The following TRANK1 variants were observed in gnomAD, a reference collection of about 807,000 sequenced individuals.
The protein encoded by TRANK1 is tetratricopeptide repeat and ankyrin repeat containing 1, also known as TPR and ankyrin repeat-containing protein 1.
TRANK1 carries 198 observed loss-of-function variants against 266.0 expected under a neutral mutation model. That is an observed-to-expected ratio of 0.74 (90% CI 0.66 to 0.84). The LOEUF is 0.84. Ranked by LOEUF, TRANK1 falls within the 40% of genes least tolerant of loss-of-function variation. The probability of loss-of-function intolerance (pLI) is 0.00; values close to 1 mark genes in which losing one functional copy is unlikely to be tolerated. For synonymous variants in TRANK1, 1,396 were observed against 1,384.1 expected, an observed-to-expected ratio of 1.01 and a Z score of -0.19; for missense variants, 3,326 against 3,634.6, an observed-to-expected ratio of 0.92 and a Z score of 2.18.
chr3:36,913,392 TG>T lies in TRANK1; in HGVS notation c.24-4939del, dbSNP rs559519543. On this transcript the variant is annotated intron_variant, in intron 1 of 23. Coordinates refer to ENST00000645898, the MANE Select transcript of TRANK1 (RefSeq NM_001329998.2). The stretch of plus-strand genomic sequence containing the variant: ...TATCTATCTTTCTTTCTTGCCTGTT[TG>T]CTTGCTTGCTTGCTTGCTTGCTCAC... Among the ~76,000 whole-genome samples, 35 of 138,858 alleles carry T rather than the reference TG, an allele frequency of 2.5e-4. No homozygotes were observed. In the East Asian group the frequency reaches 6.6e-3, roughly 26 times the overall value. 91.1% of individuals were successfully genotyped at this position (138,858 alleles called of 152,430 possible). A position where few individuals can be genotyped will look rare whatever the true frequency, so the allele number is the denominator to read the frequency against.
In TRANK1 at chr3:36,832,098, C is replaced by G. The variant is rs767977020; in HGVS notation, c.7485G>C (p.Lys2495Asn). ...LLHYWEFLFS[K>N]KDKELGDVFS... Reference sequence around the variant, plus strand: ...ACACATCCCCAAGCTCCTTGTCCTTCTTGCTAAACAGGAACTCCCAGTAGT... The same window carrying G: ...ACACATCCCCAAGCTCCTTGTCCTTGTTGCTAAACAGGAACTCCCAGTAGT... Residue 2495 changes from lysine (K) to asparagine (N), a missense_variant, in exon 22 of 24, where the codon AAG becomes AAC. Coordinates refer to ENST00000645898, the MANE Select transcript of TRANK1 (RefSeq NM_001329998.2). 4 of 1,613,904 alleles carry G rather than the reference C, an allele frequency of 2.5e-6. No homozygotes were observed. Among genetic ancestry groups the G allele is most frequent in the Non-Finnish European group, 3.4e-6 (4 of 1,179,900 alleles).
At chr3:36,879,673 A>AATATAAAT (rs2079454315) in intron 8 of TRANK1, among the ~76,000 whole-genome samples, 2 of 83,590 alleles carry the variant, frequency 2.4e-5, no homozygotes, top group Admixed American at 3.1e-4. Flanking sequence ...AATATATATA[A>AATATAAAT]ATATATAAAT....
Position 36,828,266 on chromosome 3 carries a change from G to C in TRANK1, c.*9C>G. The C allele has an allele frequency of 6.3e-7, 1 of 1,599,890 alleles. No individual in the cohort carries two copies. The highest frequency in any genetic ancestry group is 8.5e-7 in the Non-Finnish European group (1 of 1,169,652). On this transcript the variant is annotated 3_prime_UTR_variant, in exon 24 of 24. Transcript: ENST00000645898. Reference sequence around the variant, plus strand: ...TCCGAAGGATGAGGAGGCTGCAGCTGTGTGGACATTAGTATTTTCTCTGCT... The same window carrying C: ...TCCGAAGGATGAGGAGGCTGCAGCTCTGTGGACATTAGTATTTTCTCTGCT...
intron 1 of TRANK1, among the ~76,000 whole-genome samples, chr3:36,920,909 A>G (rs537047537): frequency 6.6e-6 from 1 of 152,278 alleles, no homozygotes; most frequent in African/African-American, 2.4e-5. Flanking sequence ...TGAGTTCTAA[A>G]TTTCTCTTCA....
At chr3:36,917,335 AT>A (rs1172315401) in intron 1 of TRANK1, among the ~76,000 whole-genome samples, 2 of 152,192 alleles carry the variant, frequency 1.3e-5, no homozygotes, top group Admixed American at 6.6e-5. Context: ...TATATTCTAT[AT>A]TTTTTTCATG....
chr3:36,906,884 G>T (rs2079976649), intron 2 of TRANK1, among the ~76,000 whole-genome samples: 1 of 152,198 alleles, frequency 6.6e-6, no homozygotes, highest in African/African-American at 2.4e-5. Context: ...CCCTAAATTG[G>T]TGGTAACTTG....
At position 36,856,466 on chromosome 3, in the gene TRANK1, A is replaced by G; in HGVS notation, c.3256T>C (p.Cys1086Arg). The part of the protein sequence containing the change: ...GRSGTGKTTC[C>R]LYRLWKKFHV... The stretch of plus-strand genomic sequence containing the variant: ...AATTTCTTCCACAATCTGTACAAGC[A>G]GCAGGTTGTCTTCCCAGTGCCACTT... The change falls in exon 13 of 24, where the codon TGC (cysteine) becomes CGC (arginine). Residue 1086 changes from cysteine (C) to arginine (R), a missense_variant. Transcript: ENST00000645898. 6.2e-7 allele frequency: 1 copy of G among 1,614,018 alleles called. No homozygotes were observed. The highest frequency in any genetic ancestry group is 8.5e-7 in the Non-Finnish European group (1 of 1,179,892).
Position 36,851,711 on chromosome 3 carries a change from T to G in TRANK1, c.4887+8A>C, listed in dbSNP as rs2078986237. On this transcript the variant is annotated splice_region_variant and intron_variant, in intron 15 of 23. Transcript: ENST00000645898. ...TTCATTGTGTGAAAAGAATTAGGTG[T>G]GACATACCTCAGAATCAGTAAAAAA... 2 of 1,605,300 alleles carry G rather than the reference T, an allele frequency of 1.2e-6. No homozygotes were observed. The highest frequency in any genetic ancestry group is 4.5e-5 in the East Asian group (2 of 44,834).
chr3:36,939,260 TACACACACACACACAC>T (rs10623771), intron 1 of TRANK1, among the ~76,000 whole-genome samples: 1 of 139,830 alleles, frequency 7.2e-6, no homozygotes, highest in African/African-American at 2.7e-5. Context: ...CATTCTAACA[TACACACACACACACAC>T]ACACACACAC....
intron 1 of TRANK1, among the ~76,000 whole-genome samples, chr3:36,926,000 G>A (rs1157353540): frequency 6.6e-6 from 1 of 152,018 alleles, no homozygotes; most frequent in Non-Finnish European, 1.5e-5. Flanking sequence ...GCTTTTATAA[G>A]GGAAGTAGTA....
At chr3:36,830,021 TTGA>T (rs1309209267) in intron 22 of TRANK1, among the ~76,000 whole-genome samples, 1 of 152,138 alleles carries the variant, frequency 6.6e-6, no homozygotes, top group African/African-American at 2.4e-5. Context: ...CTACATAGTG[TTGA>T]TAAGAAGTAG....
chr3:36,927,954 C>T (rs929408787), intron 1 of TRANK1, among the ~76,000 whole-genome samples: 1 of 152,170 alleles, frequency 6.6e-6, no homozygotes, highest in African/African-American at 2.4e-5. Context: ...TGAATATCTG[C>T]AGTCAGGAAC....
At chr3:36,913,190 C>T (rs745367104) in intron 1 of TRANK1, among the ~76,000 whole-genome samples, 13 of 151,930 alleles carry the variant, frequency 8.6e-5, no homozygotes, top group South Asian at 2.1e-4. Context: ...TACAGGCGTG[C>T]GCCCTGTAAT....
intron 10 of TRANK1, among the ~76,000 whole-genome samples, chr3:36,863,724 C>T (rs2079175049): frequency 6.6e-6 from 1 of 152,154 alleles, no homozygotes; most frequent in Non-Finnish European, 1.5e-5. Flanking sequence ...ATGTTGGAAA[C>T]AAGACTTGAA....
At chr3:36,852,401 G>T in intron 13 of TRANK1, 56 bp from the exon 14 acceptor site, 1 of 1,447,060 alleles carries the variant, frequency 6.9e-7, no homozygotes, top group South Asian at 1.4e-5. Context: ...TGAGTTTTTT[G>T]GTTATTTGGG....
At chr3:36,899,586 G>C (rs1038822934) in intron 3 of TRANK1, among the ~76,000 whole-genome samples, 6 of 152,210 alleles carry the variant, frequency 3.9e-5, no homozygotes, top group Non-Finnish European at 7.3e-5. Context: ...CTGAGCCCAG[G>C]AGATAGAGGC....
intron 17 of TRANK1, among the ~76,000 whole-genome samples, 177 bp from the exon 18 acceptor site, chr3:36,842,887 A>G (rs1343968283): frequency 1.3e-5 from 2 of 152,140 alleles, no homozygotes; most frequent in African/African-American, 4.8e-5. Context: ...TACAGAGGTG[A>G]CTAGGTTAAA....
In TRANK1 at chr3:36,895,635, C is replaced by T. The variant is rs766157744; in HGVS notation, c.552+5G>A. ...TCCCCGTGAGAGCCATCTCCTTTTA[C>T]TTACATGCCATAATCCTTTCTTTGC... On this transcript the variant is annotated splice_donor_5th_base_variant and intron_variant, in intron 5 of 23. Coordinates refer to ENST00000645898, the MANE Select transcript of TRANK1 (RefSeq NM_001329998.2). 8.6e-6 allele frequency: 13 copies of T among 1,514,608 alleles called. No homozygotes were observed. Among genetic ancestry groups the T allele is most frequent in the African/African-American group, 1.4e-5 (1 of 72,498 alleles). 93.8% of individuals were successfully genotyped at this position (1,514,608 alleles called of 1,614,324 possible). A position where few individuals can be genotyped will look rare whatever the true frequency, so the allele number is the denominator to read the frequency against.
At chr3:36,913,909 C>T (rs1202713951) in intron 1 of TRANK1, among the ~76,000 whole-genome samples, 1 of 152,102 alleles carries the variant, frequency 6.6e-6, no homozygotes, top group Non-Finnish European at 1.5e-5. Flanking sequence ...TTATCCCCTT[C>T]GCCCATCAAC....
Sources: gnomAD v4.1 joint callset for allele counts (sites outside exome capture counted in the v4.1 genomes callset) on GRCh38, gnomAD v4.1.1 for gene constraint, MANE v1.5 for transcripts, NCBI Gene and HGNC (gene_info 2026-07-23, HGNC 2026-07-21) for gene names.